Variants in PHACTR2 observed in about 807,000 individuals in gnomAD.
PHACTR2 encodes the protein chromosome 6 open reading frame 56.
A neutral mutation model predicts 76.0 loss-of-function variants in PHACTR2; 30 were observed. The observed-to-expected ratio is 0.39, with a 90% CI of 0.30 to 0.54. PHACTR2 has a LOEUF of 0.54. Ranked by LOEUF, PHACTR2 falls within the 20% of genes least tolerant of loss-of-function variation. The pLI is 0.61. For synonymous variants in PHACTR2, 292 were observed against 292.5 expected (o/e 1.00, Z 0.02); for missense variants, 696 against 781.1 (o/e 0.89, Z 1.30).
chr6:143,709,829 A>G lies in PHACTR2; in HGVS notation c.47-2187A>G, dbSNP rs1182383738. Among the ~76,000 whole-genome samples the G allele has an allele frequency of 1.3e-5, 2 of 152,126 alleles. No individual in the cohort carries two copies. Among genetic ancestry groups the G allele is most frequent in the Admixed American group, 1.3e-4 (2 of 15,268 alleles). On this transcript the variant is annotated intron_variant, in intron 1 of 12. Transcript: ENST00000440869. This position sits in a 1 kb window ranked among gnomAD's most constrained non-coding sequence, Gnocchi z 4.4. ...GAGAGATACCCAGTTATTGCTGGGT[A>G]GGGCTGGATGTCACGGCTTCCTACA...
rs943698332 is a variant in PHACTR2, at chr6:143,646,264, T to C, written c.13+37942T>C. Among the ~76,000 whole-genome samples the C allele has an allele frequency of 6.6e-6, 1 of 152,146 alleles. No homozygotes were observed. The highest frequency in any genetic ancestry group is 6.5e-5 in the Admixed American group (1 of 15,270). ...CATTGTTAGAGTGTCTATGTCTATG[T>C]CAGTAATTGGGATTATTTTTAAACT... On this transcript the variant is annotated intron_variant, in intron 1 of 11. Transcript: ENST00000305766. This position sits in a 1 kb window ranked among gnomAD's most constrained non-coding sequence, Gnocchi z 4.1.
rs2128426960 is a variant in PHACTR2, at chr6:143,547,172, G to A, written c.217+9965G>A. Among the ~76,000 whole-genome samples the A allele has an allele frequency of 6.6e-6, 1 of 152,266 alleles. No homozygotes were observed. Among genetic ancestry groups the A allele is most frequent in the Middle Eastern group, 3.4e-3 (1 of 294 alleles). On this transcript the variant is annotated intron_variant, in intron 1 of 11. Transcript: ENST00000367584. The surrounding 1 kb of genome is among the most constrained non-coding windows in gnomAD (Gnocchi z 4.2). Reference sequence around the variant, plus strand: ...TTATAATCTTATTAGGCAAAACAGTGTTCAACAAAAGTTTTGTGACTAAAA... The same window carrying A: ...TTATAATCTTATTAGGCAAAACAGTATTCAACAAAAGTTTTGTGACTAAAA...
At position 143,800,064 on chromosome 6, in the gene PHACTR2, G is replaced by A. The variant is rs141357990; in HGVS notation, c.1846-6993G>A. ...AACTTGCTTTATGAATCTGGTGCTC[G>A]TGTACTGGATGCATATATATTTAGG... On this transcript the variant is annotated intron_variant, in intron 11 of 12. Transcript: ENST00000440869. The surrounding 1 kb of genome is among the most constrained non-coding windows in gnomAD (Gnocchi z 4.8). Among the ~76,000 whole-genome samples, 198 of 152,204 alleles carry A rather than the reference G, an allele frequency of 1.3e-3. 1 individual carries two copies. The East Asian group carries it at 0.02, about 16-fold the overall frequency.
At chr6:143,576,667 A>G (rs910328936) in intron 1 of PHACTR2, among the ~76,000 whole-genome samples, 1 of 152,128 alleles carries the variant, frequency 6.6e-6, no homozygotes, top group Non-Finnish European at 1.5e-5. Context: ...ACTTGAGGTC[A>G]GGAGTTCGAG....
In PHACTR2 at chr6:143,708,062, C is replaced by T. The variant is rs1010442685; in HGVS notation, c.47-3954C>T. On this transcript the variant is annotated intron_variant, in intron 1 of 12. Transcript: ENST00000440869. This position sits in a 1 kb window ranked among gnomAD's most constrained non-coding sequence, Gnocchi z 5.5. ...ACCTCCCACCAGGCTCCACCTCCAACACTGAGGATTATAATTTGACATGAG... is the reference window on the plus strand; with the variant it reads ...ACCTCCCACCAGGCTCCACCTCCAATACTGAGGATTATAATTTGACATGAG... Among the ~76,000 whole-genome samples the T allele has an allele frequency of 6.6e-6, 1 of 152,232 alleles. No individual in the cohort carries two copies. The highest frequency in any genetic ancestry group is 1.5e-5 in the Non-Finnish European group (1 of 68,040).
Position 143,686,556 on chromosome 6 carries a change from C to T in PHACTR2, c.46+8347C>T, listed in dbSNP as rs541642326. 3.9e-4 allele frequency among the ~76,000 whole-genome samples: 52 copies of T among 133,188 alleles called. No individual in the cohort carries two copies. In the East Asian group the frequency reaches 0.011, roughly 29 times the overall value. 87.4% of individuals were successfully genotyped at this position (133,188 alleles called of 152,430 possible). ...AGGCTGGAGTGCAGTGGCATGATCTCGGCTCACTGCAACCTCCACCTTCTG... is the reference window on the plus strand; with the variant it reads ...AGGCTGGAGTGCAGTGGCATGATCTTGGCTCACTGCAACCTCCACCTTCTG... On this transcript the variant is annotated intron_variant, in intron 1 of 12. Coordinates refer to ENST00000440869, the MANE Select transcript of PHACTR2 (RefSeq NM_001100164.2).
In PHACTR2 at chr6:143,819,981, G is replaced by A. The variant is rs1178879293; in HGVS notation, c.1923-3693G>A. On this transcript the variant is annotated intron_variant, in intron 12 of 12. Transcript: ENST00000440869. The surrounding 1 kb of genome is among the most constrained non-coding windows in gnomAD (Gnocchi z 5.0). ...AGGCCTCAGAAAGCCTCCAATCACG[G>A]CAGAAAGCGAAGGGGGAGCAGGCAC... Among the ~76,000 whole-genome samples, 2 of 152,180 alleles carry A rather than the reference G, an allele frequency of 1.3e-5. No individual in the cohort carries two copies. Among genetic ancestry groups the A allele is most frequent in the Non-Finnish European group, 2.9e-5 (2 of 68,038 alleles).
Position 143,748,996 on chromosome 6 carries a change from A to G in PHACTR2, c.226A>G (p.Lys76Glu), listed in dbSNP as rs1178768670. 12 of 1,552,518 alleles carry G rather than the reference A, an allele frequency of 7.7e-6. No individual in the cohort carries two copies. The highest frequency in any genetic ancestry group is 1.1e-5 in the Non-Finnish European group (12 of 1,124,904). Residue 76 changes from lysine (K) to glutamate (E), a missense_variant, in exon 3 of 13, where the codon AAG (lysine) becomes GAG (glutamate). Lys to Glu is a moderately conservative substitution (Grantham distance 56). Coordinates refer to ENST00000440869, the MANE Select transcript of PHACTR2 (RefSeq NM_001100164.2). ...FRETSAVLER[K>E]ISTRQSREEL... ...GTTCTTTTTAAAAGTATTAGAAAGG[A>G]AGATATCCACACGACAAAGTAGAGA...
chr6:143,553,023 G>A lies in PHACTR2; in HGVS notation c.217+15816G>A, dbSNP rs1775113917. 1.3e-5 allele frequency among the ~76,000 whole-genome samples: 2 copies of A among 152,058 alleles called. No individual in the cohort carries two copies. The highest frequency in any genetic ancestry group is 2.1e-4 in the South Asian group (1 of 4,826). On this transcript the variant is annotated intron_variant, in intron 1 of 11. Transcript: ENST00000367584. This position sits in a 1 kb window ranked among gnomAD's most constrained non-coding sequence, Gnocchi z 4.2. ...CTGTCACTTGCCAGGTATTTAAGGA[G>A]TGAAATGAGCAATGATGTTTCATCC... is the stretch of plus-strand genomic sequence containing the variant.
chr6:143,649,646 G>A (rs113103156), intron 1 of PHACTR2, among the ~76,000 whole-genome samples: 1,746 of 152,040 alleles, frequency 0.011, 42 homozygotes, highest in African/African-American at 0.04. Context: ...ATTCAACATC[G>A]CTTCATGTTA....
rs1775706106 is a variant in PHACTR2 at position 143,592,789 on chromosome 6, T to C, written c.217+55582T>C. Among the ~76,000 whole-genome samples the C allele has an allele frequency of 6.6e-6, 1 of 152,160 alleles. No homozygotes were observed. The highest frequency in any genetic ancestry group is 1.5e-5 in the Non-Finnish European group (1 of 68,024). ...TGGGCTGGGCACGGTGGCTCAAGCC[T>C]GTAATCCCAGCACTTTGGGAGGCCA... On this transcript the variant is annotated intron_variant, in intron 1 of 11. Transcript: ENST00000367584. This position sits in a 1 kb window ranked among gnomAD's most constrained non-coding sequence, Gnocchi z 4.0.
At chr6:143,712,370 C>T in intron 2 of PHACTR2, 187 bp downstream of exon 2, 1 of 322,866 alleles carries the variant, frequency 3.1e-6, no homozygotes, top group South Asian at 1.5e-4. Context: ...TCTTTCTATA[C>T]TGACCTTGAC....
chr6:143,760,789 G>T lies in PHACTR2; in HGVS notation c.694+149G>T. 2 of 921,558 alleles carry T rather than the reference G, an allele frequency of 2.2e-6. No individual in the cohort carries two copies. Among genetic ancestry groups the T allele is most frequent in the Non-Finnish European group, 3.2e-6 (2 of 629,026 alleles). 57.1% of individuals were successfully genotyped at this position (921,558 alleles called of 1,614,324 possible). A position where few individuals can be genotyped will look rare whatever the true frequency, so the allele number is the denominator to read the frequency against. ...GCTTTGACACAAAGAATGCCCAGGA[G>T]ATTCCTTTGTTGCTCTCTACCAAAG... On this transcript the variant is annotated intron_variant, in intron 5 of 12. Coordinates refer to ENST00000440869, the MANE Select transcript of PHACTR2 (RefSeq NM_001100164.2). The surrounding 1 kb of genome is among the most constrained non-coding windows in gnomAD (Gnocchi z 6.4).
chr6:143,795,786 T>C lies in PHACTR2; in HGVS notation c.1845+6876T>C, dbSNP rs527423892. Among the ~76,000 whole-genome samples, 1 of 152,348 alleles carries C rather than the reference T, an allele frequency of 6.6e-6. No homozygotes were observed. Among genetic ancestry groups the C allele is most frequent in the Non-Finnish European group, 1.5e-5 (1 of 68,028 alleles). ...CTTACTAGTAAAATAAAGTCAATTA[T>C]ATCTATCTTGAGAATTAGGTAGAAT... On this transcript the variant is annotated intron_variant, in intron 11 of 12. Transcript: ENST00000440869. The surrounding 1 kb of genome is among the most constrained non-coding windows in gnomAD (Gnocchi z 4.8).
At chr6:143,766,199 G>A (rs940603095) in intron 6 of PHACTR2, among the ~76,000 whole-genome samples, 1 of 152,178 alleles carries the variant, frequency 6.6e-6, no homozygotes, top group Non-Finnish European at 1.5e-5. Context: ...GATCAGAAGA[G>A]AACTCTCAAA....
intron 12 of PHACTR2, among the ~76,000 whole-genome samples, chr6:143,812,252 G>A (rs1776192443): frequency 6.6e-6 from 1 of 152,152 alleles, no homozygotes. Flanking sequence ...ATGGGAGGGA[G>A]ACTTCTCACA....
At chr6:143,717,610 C>T (rs955953700) in intron 2 of PHACTR2, among the ~76,000 whole-genome samples, 1 of 150,814 alleles carries the variant, frequency 6.6e-6, no homozygotes, top group Admixed American at 6.6e-5. Flanking sequence ...TCATTCTGTT[C>T]CCCCAGGCTG....
Position 143,664,389 on chromosome 6 carries a change from C to G in PHACTR2, c.14-47627C>G, listed in dbSNP as rs911651544. The stretch of plus-strand genomic sequence containing the variant: ...TGTCATTAGATAAGAAAGCTTATTC[C>G]TTTCATATTTATTGAGATTACTAAT... On this transcript the variant is annotated intron_variant, in intron 1 of 11. Coordinates refer to the PHACTR2 transcript ENST00000305766. This position sits in a 1 kb window ranked among gnomAD's most constrained non-coding sequence, Gnocchi z 5.1. Among the ~76,000 whole-genome samples, 2 of 151,820 alleles carry G rather than the reference C, an allele frequency of 1.3e-5. No homozygotes were observed. The highest frequency in any genetic ancestry group is 2.9e-5 in the Non-Finnish European group (2 of 67,952).
At position 143,794,753 on chromosome 6, in the gene PHACTR2, C is replaced by T. The variant is rs7744331; in HGVS notation, c.1845+5843C>T. ...AAGTTGCAGTGAGCTAAGATTATGCCGCCGCACTCCAGCCTGGGTGACAAA... is the reference window on the plus strand; with the variant it reads ...AAGTTGCAGTGAGCTAAGATTATGCTGCCGCACTCCAGCCTGGGTGACAAA... On this transcript the variant is annotated intron_variant, in intron 11 of 12. Coordinates refer to ENST00000440869, the MANE Select transcript of PHACTR2 (RefSeq NM_001100164.2). This position sits in a 1 kb window ranked among gnomAD's most constrained non-coding sequence, Gnocchi z 4.1. Among the ~76,000 whole-genome samples, 40,909 of 152,012 alleles carry T rather than the reference C, an allele frequency of 0.27. 6,192 individuals are homozygous for T. The highest frequency in any genetic ancestry group is 0.39 in the South Asian group (1,869 of 4,826).
Sources: gnomAD v4.1 joint callset for allele counts (sites outside exome capture counted in the v4.1 genomes callset) on GRCh38, gnomAD v4.1.1 for gene constraint, Gnocchi (gnomAD v3.1) non-coding constraint, MANE v1.5 for transcripts, NCBI Gene and HGNC (gene_info 2026-07-23, HGNC 2026-07-21) for gene names.